Variants in PLSCR2 observed in about 807,000 individuals in gnomAD.
PLSCR2 encodes the protein phospholipid scramblase 2.
In PLSCR2, 18 loss-of-function variants were observed where a neutral mutation model predicts 25.3. The observed-to-expected ratio is 0.71, with a 90% CI of 0.49 to 1.06. PLSCR2 has a LOEUF of 1.06. PLSCR2 is among the 50% of genes least tolerant of loss of function. PLSCR2 has a pLI of 0.00. For missense variants in PLSCR2, 243 were observed against 269.5 expected (o/e 0.90, Z 0.69); for synonymous variants, 88 against 87.3 (o/e 1.01, Z -0.04).
chr3:146,453,963 TA>T (rs775290222), intron 5 of PLSCR2, 38 bp downstream of exon 5: 26 of 1,504,186 alleles, frequency 1.7e-5, no homozygotes, highest in Non-Finnish European at 1.8e-5. Context: ...ATTCTTCTAT[TA>T]AAAAAGCAAA....
chr3:146,449,280 T>G, exon 6 of PLSCR2: 2 of 1,612,438 alleles, frequency 1.2e-6, no homozygotes, highest in South Asian at 2.2e-5. Context: ...ATTCCAAAGT[T>G]GTCAGCATCA....
At chr3:146,495,949 C>T (rs1243803840), upstream of PLSCR2, 2 of 1,530,488 alleles carry the variant, frequency 1.3e-6, no homozygotes, top group Admixed American at 3.9e-5. Flanking sequence ...AATCCAGAGT[C>T]TCTCAGAATT....
At chr3:146,480,066 T>C (rs1037889249) in intron 1 of PLSCR2, among the ~76,000 whole-genome samples, 15 of 152,058 alleles carry the variant, frequency 9.9e-5, no homozygotes, top group Admixed American at 8.5e-4. Context: ...GTACCAGAAT[T>C]TCTGGGACAC....
At chr3:146,427,367 A>T (rs2039392580) in intron 2 of PLSCR2, among the ~76,000 whole-genome samples, 1 of 152,190 alleles carries the variant, frequency 6.6e-6, no homozygotes, top group South Asian at 2.1e-4. Flanking sequence ...AGAGAGCTAC[A>T]TGGAGGAGGA....
chr3:146,450,838 C>A lies in PLSCR2; in HGVS notation c.484-1471G>T, dbSNP rs143445884. On this transcript the variant is annotated intron_variant, in intron 5 of 6. Coordinates refer to ENST00000610787, the Ensembl canonical transcript of PLSCR2. ...TATTTCTCCATTTTGATGGCTATAG[C>A]AAGAAATTAAAAAATTCACCAAATT... 7.9e-3 allele frequency among the ~76,000 whole-genome samples: 1,196 copies of A among 151,884 alleles called. 15 individuals carry two copies. The highest frequency in any genetic ancestry group is 0.027 in the African/African-American group (1,126 of 41,424).
chr3:146,401,485 C>A (rs1181008313), intron 2 of PLSCR2: 1 of 152,502 alleles, frequency 6.6e-6, no homozygotes, highest in East Asian at 1.9e-4. Flanking sequence ...TTATTTCTCT[C>A]TTCTGCAAAA....
At chr3:146,429,860 T>A (rs1405422848), downstream of PLSCR2, among the ~76,000 whole-genome samples, 1 of 151,952 alleles carries the variant, frequency 6.6e-6, no homozygotes, top group Non-Finnish European at 1.5e-5. Context: ...CTCCTGACCG[T>A]GTGATCCGCC....
Position 146,455,459 on chromosome 3 carries a change from A to C in PLSCR2, c.101T>G (p.Val34Gly), listed in dbSNP as rs140317717. 6.1e-4 allele frequency: 956 copies of C among 1,571,492 alleles called. No homozygotes were observed. The highest frequency in any genetic ancestry group is 7.5e-4 in the Non-Finnish European group (853 of 1,142,900). ...GTTACTACTTTCAAAACTGAATAGAACTAAAAATGAAAATAAAATCAGTTG... is the reference window on the plus strand; with the variant it reads ...GTTACTACTTTCAAAACTGAATAGACCTAAAAATGAAAATAAAATCAGTTG... Residue 34 changes from valine (V) to glycine (G), a missense_variant and splice_region_variant, in exon 4 of 7, where the codon GTT becomes GGT. Coordinates refer to ENST00000610787, the Ensembl canonical transcript of PLSCR2.
intron 1 of PLSCR2, among the ~76,000 whole-genome samples, chr3:146,489,753 G>A (rs1376359585): frequency 6.6e-6 from 1 of 151,948 alleles, no homozygotes; most frequent in Non-Finnish European, 1.5e-5. Flanking sequence ...AAGGACCTTT[G>A]CCATTACAGA....
At chr3:146,474,822 G>C (rs1351560047) in intron 1 of PLSCR2, among the ~76,000 whole-genome samples, 1 of 151,792 alleles carries the variant, frequency 6.6e-6, no homozygotes, top group East Asian at 1.9e-4. Flanking sequence ...TTTCTTGGAG[G>C]CTTTGTTCAT....
chr3:146,412,586 G>A (rs112252098), intron 2 of PLSCR2, among the ~76,000 whole-genome samples: 4 of 152,156 alleles, frequency 2.6e-5, no homozygotes, highest in East Asian at 1.9e-4. Flanking sequence ...ACAAATTTTC[G>A]GTGCCACAAA....
intron 2 of PLSCR2, among the ~76,000 whole-genome samples, chr3:146,409,527 C>T (rs1326626611): frequency 2.0e-5 from 3 of 152,100 alleles, no homozygotes; most frequent in African/African-American, 7.2e-5. Flanking sequence ...GGAAACTGAT[C>T]AGGGTGGCCG....
intron 2 of PLSCR2, among the ~76,000 whole-genome samples, chr3:146,403,450 T>C (rs1481807074): frequency 6.6e-6 from 1 of 152,200 alleles, no homozygotes; most frequent in Non-Finnish European, 1.5e-5. Flanking sequence ...TTCTAACATG[T>C]TCCCAGGTGA....
chr3:146,403,567 T>G (rs2038553366), intron 2 of PLSCR2, among the ~76,000 whole-genome samples: 1 of 152,198 alleles, frequency 6.6e-6, no homozygotes. Context: ...TTTTGTGACT[T>G]CTTAAATTAT....
chr3:146,487,636 G>A (rs1462888097), intron 1 of PLSCR2, among the ~76,000 whole-genome samples: 1 of 152,070 alleles, frequency 6.6e-6, no homozygotes, highest in African/African-American at 2.4e-5. Flanking sequence ...ACATCTTCAA[G>A]AAGAACTACA....
intron 8 of PLSCR2, among the ~76,000 whole-genome samples, 162 bp from the exon 8 acceptor site, chr3:146,433,679 C>G (rs2039644775): frequency 6.6e-6 from 1 of 152,172 alleles, no homozygotes; most frequent in African/African-American, 2.4e-5. Flanking sequence ...AATACCTCCA[C>G]TTGACTTGGC....
At chr3:146,396,888 ATATCT>A (rs1254908878) in intron 2 of PLSCR2, among the ~76,000 whole-genome samples, 1 of 152,118 alleles carries the variant, frequency 6.6e-6, no homozygotes, top group Non-Finnish European at 1.5e-5. Flanking sequence ...TCTCAACAAA[ATATCT>A]TATCTCTTAT....
At chr3:146,423,730 CAGA>C (rs1032600975) in intron 2 of PLSCR2, among the ~76,000 whole-genome samples, 2 of 152,086 alleles carry the variant, frequency 1.3e-5, no homozygotes, top group African/African-American at 4.8e-5. Flanking sequence ...GAGAGGAAAG[CAGA>C]AGAATTGAAG....
rs146284985 is a variant in PLSCR2, at chr3:146,412,860, T to C, written c.101-16939A>G. 5.2e-3 allele frequency among the ~76,000 whole-genome samples: 783 copies of C among 151,914 alleles called. 6 individuals are homozygous for C. Among genetic ancestry groups the C allele is most frequent in the Non-Finnish European group, 8.0e-3 (545 of 67,972 alleles). ...TGGAGTGGTGGGGTGAGTAGTTTGG[T>C]GGGAAGGATGGTTACAGAACAGGTG... is the stretch of plus-strand genomic sequence containing the variant. On this transcript the variant is annotated intron_variant and NMD_transcript_variant, in intron 2 of 3. Coordinates refer to the PLSCR2 transcript ENST00000463633.
Sources: allele counts gnomAD v4.1 joint callset (sites outside exome capture counted in the v4.1 genomes callset), GRCh38; gene constraint gnomAD v4.1.1; transcripts MANE v1.5; gene names NCBI Gene and HGNC (gene_info 2026-07-23, HGNC 2026-07-21).